The following CFH variants were observed in gnomAD, a reference collection of about 807,000 sequenced individuals.
The protein encoded by CFH is H factor 1 (complement).
Under a neutral mutation model 147.3 loss-of-function variants are expected in CFH, and 53 were observed. The observed-to-expected ratio is 0.36, with a 90% CI of 0.29 to 0.45. The LOEUF is 0.45. Ranked by LOEUF, CFH falls within the 20% of genes least tolerant of loss-of-function variation. The probability of loss-of-function intolerance (pLI) is 1.00; values close to 1 mark genes in which losing one functional copy is unlikely to be tolerated. For synonymous variants in CFH, 536 were observed against 489.4 expected (o/e 1.10, Z -1.26); for missense variants, 1,380 against 1,498.0 (o/e 0.92, Z 1.30).
intron 11 of CFH, among the ~76,000 whole-genome samples, chr1:196,719,925 A>T (rs1239391823): frequency 6.6e-6 from 1 of 151,018 alleles, no homozygotes; most frequent in Non-Finnish European, 1.5e-5. Context: ...TGTTTTTTAT[A>T]TTTTTTTTAA....
intron 19 of CFH, among the ~76,000 whole-genome samples, chr1:196,742,334 C>A (rs1316311534): frequency 6.6e-6 from 1 of 152,124 alleles, no homozygotes; most frequent in Non-Finnish European, 1.5e-5. Flanking sequence ...CAAGATCGTG[C>A]CACTGCACTC....
intron 1 of CFH, among the ~76,000 whole-genome samples, chr1:196,655,729 G>T (rs534589777): frequency 6.6e-6 from 1 of 151,988 alleles, no homozygotes; most frequent in African/African-American, 2.4e-5. Context: ...AATCTATCCC[G>T]TGCTCAGTTA....
chr1:196,674,573 GA>G (rs1450781452), intron 3 of CFH, among the ~76,000 whole-genome samples: 1 of 147,286 alleles, frequency 6.8e-6, no homozygotes, highest in Non-Finnish European at 1.5e-5. Context: ...TCTGCTAGAT[GA>G]AAAATTATTT....
chr1:196,697,610 A>G (rs1218757377), intron 9 of CFH, among the ~76,000 whole-genome samples: 4 of 152,182 alleles, frequency 2.6e-5, no homozygotes, highest in African/African-American at 9.7e-5. Context: ...ATCCTCAGGG[A>G]TCTATAACTA....
intron 17 of CFH, among the ~76,000 whole-genome samples, chr1:196,739,570 T>C (rs146893924): frequency 1.6e-4 from 25 of 152,280 alleles, no homozygotes; most frequent in African/African-American, 6.0e-4. Context: ...GACCACCCCA[T>C]CCTGGACTTC....
At chr1:196,729,810 T>G (rs1669238387) in intron 15 of CFH, among the ~76,000 whole-genome samples, 1 of 151,998 alleles carries the variant, frequency 6.6e-6, no homozygotes, top group Non-Finnish European at 1.5e-5. Flanking sequence ...TCTGAATTAA[T>G]CGTCGTAGGC....
rs138800544 is a variant in CFH at position 196,677,494 on chromosome 1, T to C, written c.446T>C (p.Val149Ala). ...TCTTCAGTTGTGAAGTGTTTACCAGTGACAGCACCAGAGAATGGAAAAATT... is the reference window on the plus strand; with the variant it reads ...TCTTCAGTTGTGAAGTGTTTACCAGCGACAGCACCAGAGAATGGAAAAATT... ...PICEVVKCLPVTAPENGKIVS... is the reference protein window; with the variant it reads ...PICEVVKCLPATAPENGKIVS... Residue 149 changes from valine to alanine, a missense_variant, in exon 5 of 22, where the codon GTG becomes GCG. Around this residue, in one of 4 missense-constraint regions of CFH, gnomAD observed 260 missense variants for 263.3 expected, o/e 0.99. Coordinates refer to ENST00000367429, the MANE Select transcript of CFH (RefSeq NM_000186.4). 4 of 1,612,962 alleles carry C rather than the reference T, an allele frequency of 2.5e-6. No homozygotes were observed. In the African/African-American group the frequency reaches 5.3e-5, roughly 22 times the overall value.
intron 15 of CFH, among the ~76,000 whole-genome samples, chr1:196,729,946 T>C (rs1033691804): frequency 1.1e-4 from 17 of 151,934 alleles, no homozygotes; most frequent in Admixed American, 1.1e-3. Context: ...CCTTTTCATC[T>C]CCGATCTTGT....
intron 10 of CFH, among the ~76,000 whole-genome samples, chr1:196,714,666 TATAGAG>T (rs1668817215): frequency 2.1e-4 from 6 of 28,354 alleles, no homozygotes; most frequent in African/African-American, 6.6e-4. Flanking sequence ...TATATATATA[TATAGAG>T]AGAGAGAGAG....
At chr1:196,744,648 G>A (rs191730193) in intron 20 of CFH, among the ~76,000 whole-genome samples, 19 of 152,176 alleles carry the variant, frequency 1.2e-4, no homozygotes, top group Admixed American at 3.9e-4. Context: ...AAGTATAAAT[G>A]CCACTAGTAT....
rs768176525 is a variant in CFH at position 196,737,572 on chromosome 1, T to A, written c.2694T>A (p.Ser898Arg). ...GTTATGCACATGGGACTAAATTGAG[T>A]TATACTTGTGAGGGTGGTTTCAGGA... ...QESYAHGTKL[S>R]YTCEGGFRIS... Residue 898 changes from serine to arginine, a missense_variant, in exon 17 of 22, where the codon AGT becomes AGA. Coordinates refer to ENST00000367429, the MANE Select transcript of CFH (RefSeq NM_000186.4). 6.2e-7 allele frequency: 1 copy of A among 1,613,330 alleles called. No individual in the cohort carries two copies. The highest frequency in any genetic ancestry group is 1.1e-5 in the South Asian group (1 of 91,068).
intron 1 of CFH, among the ~76,000 whole-genome samples, chr1:196,664,799 T>A (rs1423870561): frequency 6.6e-6 from 1 of 152,138 alleles, no homozygotes; most frequent in African/African-American, 2.4e-5. Context: ...TTATTAAAAA[T>A]GCTGGAATAA....
At chr1:196,724,565 A>G (rs538847753) in intron 11 of CFH, among the ~76,000 whole-genome samples, 1 of 152,124 alleles carries the variant, frequency 6.6e-6, no homozygotes, top group African/African-American at 2.4e-5. Context: ...GTCCTAGTCA[A>G]CCTTTGTCAG....
intron 15 of CFH, among the ~76,000 whole-genome samples, chr1:196,732,785 A>G (rs960896189): frequency 1.3e-5 from 2 of 152,088 alleles, no homozygotes; most frequent in African/African-American, 4.8e-5. Flanking sequence ...GTAGCTGAAA[A>G]TATTGAAGAC....
At chr1:196,674,079 A>C in intron 3 of CFH, 117 bp downstream of exon 3, 2 of 695,216 alleles carry the variant, frequency 2.9e-6, no homozygotes, top group South Asian at 3.5e-5. Flanking sequence ...AGTAATACAC[A>C]AGTACCTGAA....
intron 15 of CFH, among the ~76,000 whole-genome samples, chr1:196,731,820 C>T (rs1448975095): frequency 6.6e-6 from 1 of 151,940 alleles, no homozygotes; most frequent in Non-Finnish European, 1.5e-5. Flanking sequence ...CATTCCACTT[C>T]CTTATGGCCT....
chr1:196,660,612 G>A (rs763361860), intron 1 of CFH, among the ~76,000 whole-genome samples: 2 of 151,976 alleles, frequency 1.3e-5, no homozygotes, highest in South Asian at 2.1e-4. Context: ...GAACAGGGGC[G>A]GTCATATCTT....
intron 10 of CFH, 67 bp from the exon 11 acceptor site, chr1:196,715,526 A>G (rs1367321495): frequency 1.6e-6 from 2 of 1,273,198 alleles, no homozygotes; most frequent in East Asian, 2.3e-5. Context: ...TCTTCTTAGA[A>G]TGGGAAATAC....
chr1:196,720,139 G>T (rs1668965323), intron 11 of CFH, among the ~76,000 whole-genome samples: 2 of 151,764 alleles, frequency 1.3e-5, no homozygotes, highest in African/African-American at 4.8e-5. Context: ...TTTAGTTTCA[G>T]TTAAATAAAG....
Sources: gnomAD v4.1 joint callset for allele counts (sites outside exome capture counted in the v4.1 genomes callset) on GRCh38, gnomAD v4.1.1 for gene constraint, gnomAD v4.1.1 regional missense constraint, MANE v1.5 for transcripts, NCBI Gene and HGNC (gene_info 2026-07-23, HGNC 2026-07-21) for gene names.